ALK: variants seen among roughly 807,000 people sequenced by gnomAD.
ALK encodes the protein ALK tyrosine kinase receptor.
A neutral mutation model predicts 163.1 loss-of-function variants in ALK; 74 were observed. The ratio of observed to expected loss-of-function variants is 0.45; its 90% CI spans 0.38 to 0.55. ALK has a LOEUF of 0.55. Ranked by LOEUF, ALK falls within the 20% of genes least tolerant of loss-of-function variation. ALK has a pLI of 0.00. For missense variants in ALK, 2,063 were observed against 2,105.3 expected, an observed-to-expected ratio of 0.98 and a Z score of 0.39; for synonymous variants, 960 against 843.2, an observed-to-expected ratio of 1.14 and a Z score of -2.40.
At chr2:29,420,923 CT>C (rs1288884467) in intron 4 of ALK, among the ~76,000 whole-genome samples, 2 of 151,588 alleles carry the variant, frequency 1.3e-5, no homozygotes, top group African/African-American at 4.9e-5. Flanking sequence ...GCCCTCTCCA[CT>C]TTGTGATTAC....
At chr2:29,917,321 G>C (rs1256457784) in intron 1 of ALK, among the ~76,000 whole-genome samples, 1 of 152,188 alleles carries the variant, frequency 6.6e-6, no homozygotes, top group East Asian at 1.9e-4. Context: ...AATAAGCTGA[G>C]CTGTGCCTAC....
chr2:29,807,998 C>T (rs1395976349), intron 1 of ALK, among the ~76,000 whole-genome samples: 2 of 152,188 alleles, frequency 1.3e-5, no homozygotes, highest in Non-Finnish European at 2.9e-5. Context: ...GAGCAAGCTT[C>T]AGGCTTAGAG....
intron 4 of ALK, among the ~76,000 whole-genome samples, chr2:29,520,918 C>T (rs181639666): frequency 2.0e-5 from 3 of 152,322 alleles, no homozygotes; most frequent in African/African-American, 4.8e-5. Context: ...CTTGTCAGTT[C>T]TCTCATCCGG....
At chr2:29,613,534 G>C (rs907200182) in intron 3 of ALK, among the ~76,000 whole-genome samples, 1 of 152,204 alleles carries the variant, frequency 6.6e-6, no homozygotes, top group Non-Finnish European at 1.5e-5. Flanking sequence ...CTTGGGCACT[G>C]TTCTTCCTTG....
At chr2:29,689,829 A>C (rs1216546612) in intron 3 of ALK, among the ~76,000 whole-genome samples, 1 of 152,194 alleles carries the variant, frequency 6.6e-6, no homozygotes, top group Non-Finnish European at 1.5e-5. Flanking sequence ...ATTTCAGACA[A>C]GGACACAGGA....
chr2:29,528,791 A>G (rs900971637), intron 4 of ALK, among the ~76,000 whole-genome samples: 1 of 152,262 alleles, frequency 6.6e-6, no homozygotes, highest in Non-Finnish European at 1.5e-5. Context: ...TGGGGACTTT[A>G]TGGCCACTAA....
intron 1 of ALK, among the ~76,000 whole-genome samples, chr2:29,723,493 C>A (rs904192387): frequency 1.2e-4 from 19 of 152,210 alleles, no homozygotes; most frequent in African/African-American, 4.1e-4. Context: ...TTGTGTACCT[C>A]CTGCACTAGT....
intron 4 of ALK, among the ~76,000 whole-genome samples, chr2:29,486,497 C>T (rs1671779319): frequency 6.6e-6 from 1 of 152,172 alleles, no homozygotes; most frequent in African/African-American, 2.4e-5. Context: ...ATCCCCTGGA[C>T]CATAACTTCA....
intron 12 of ALK, among the ~76,000 whole-genome samples, chr2:29,244,055 G>A (rs1411354498): frequency 6.6e-6 from 1 of 152,216 alleles, no homozygotes; most frequent in Non-Finnish European, 1.5e-5. Flanking sequence ...CTGCCTGCCG[G>A]ATCCTGAAAT....
intron 4 of ALK, among the ~76,000 whole-genome samples, chr2:29,426,239 C>T (rs766840853): frequency 6.6e-6 from 1 of 152,024 alleles, no homozygotes; most frequent in Non-Finnish European, 1.5e-5. Flanking sequence ...GAAAGGCTTC[C>T]CACTGCAGGG....
intron 1 of ALK, among the ~76,000 whole-genome samples, chr2:29,781,359 A>G (rs1261193271): frequency 6.6e-6 from 1 of 150,982 alleles, no homozygotes; most frequent in African/African-American, 2.4e-5. Context: ...AATGGAAACC[A>G]CTCTTCTGGG....
intron 1 of ALK, among the ~76,000 whole-genome samples, chr2:29,795,232 G>A (rs1436095680): frequency 6.6e-6 from 1 of 151,996 alleles, no homozygotes; most frequent in Non-Finnish European, 1.5e-5. Flanking sequence ...AAGTTGTTCA[G>A]CCTCGCTGGT....
At chr2:29,666,935 G>A (rs566434286) in intron 3 of ALK, among the ~76,000 whole-genome samples, 3 of 152,084 alleles carry the variant, frequency 2.0e-5, no homozygotes, top group Admixed American at 6.6e-5. Flanking sequence ...ATGAGAACAT[G>A]CAATATTTGT....
At chr2:29,906,825 T>C (rs966548650) in intron 1 of ALK, among the ~76,000 whole-genome samples, 1 of 151,708 alleles carries the variant, frequency 6.6e-6, no homozygotes, top group Non-Finnish European at 1.5e-5. Flanking sequence ...TACAGAGGAA[T>C]AGAATTTGAC....
Position 29,318,347 on chromosome 2 carries a change from G to A in ALK, c.1604C>T (p.Thr535Ile), listed in dbSNP as rs1241703232. 6.2e-7 allele frequency: 1 copy of A among 1,614,048 alleles called. No homozygotes were observed. Among genetic ancestry groups the A allele is most frequent in the Non-Finnish European group, 8.5e-7 (1 of 1,179,938 alleles). The change falls in exon 8 of 29, where the codon ACC (threonine) becomes ATC (isoleucine). Residue 535 changes from threonine (T) to isoleucine (I), a missense_variant. Around this residue, in one of 5 missense-constraint regions of ALK, gnomAD observed 987 missense variants for 939.5 expected, o/e 1.05. Transcript: ENST00000389048. ...DVPASESATVTSATFPAPIKS... is the reference protein window; with the variant it reads ...DVPASESATVISATFPAPIKS... ...GATCGGTGCAGGAAACGTAGCACTGGTCACTGTAGCACTTTCAGAAGCGGG... is the reference window on the plus strand; with the variant it reads ...GATCGGTGCAGGAAACGTAGCACTGATCACTGTAGCACTTTCAGAAGCGGG...
At chr2:29,438,626 A>C (rs1164733919) in intron 4 of ALK, among the ~76,000 whole-genome samples, 1 of 152,218 alleles carries the variant, frequency 6.6e-6, no homozygotes, top group Non-Finnish European at 1.5e-5. Context: ...ATTTGCTGCC[A>C]ATGGTTGAAG....
At chr2:29,452,713 G>A (rs1298693962) in intron 4 of ALK, among the ~76,000 whole-genome samples, 5 of 152,128 alleles carry the variant, frequency 3.3e-5, no homozygotes, top group Non-Finnish European at 5.9e-5. Flanking sequence ...CTCTCCACAC[G>A]TTAACTTCAA....
At chr2:29,810,086 T>C (rs1377278578) in intron 1 of ALK, among the ~76,000 whole-genome samples, 1 of 152,146 alleles carries the variant, frequency 6.6e-6, no homozygotes, top group Non-Finnish European at 1.5e-5. Flanking sequence ...AATTTTCTCC[T>C]TCACAACTTA....
At chr2:29,295,542 G>C (rs1335300695) in intron 9 of ALK, among the ~76,000 whole-genome samples, 1 of 152,160 alleles carries the variant, frequency 6.6e-6, no homozygotes, top group Admixed American at 6.5e-5. Flanking sequence ...ATGTCCTTGG[G>C]CTTTGATCGT....
Sources: allele counts gnomAD v4.1 joint callset (sites outside exome capture counted in the v4.1 genomes callset), GRCh38; gene constraint gnomAD v4.1.1; regional missense constraint gnomAD v4.1.1; transcripts MANE v1.5; gene names NCBI Gene and HGNC (gene_info 2026-07-23, HGNC 2026-07-21).